The following MYH14 variants were observed in gnomAD, a reference collection of about 807,000 sequenced individuals.
The protein encoded by MYH14 is myosin-14.
In MYH14, 123 loss-of-function variants were observed where a neutral mutation model predicts 255.5. That is an observed-to-expected ratio of 0.48 (90% confidence interval 0.42 to 0.56). The LOEUF is 0.56. MYH14 is among the 20% of genes least tolerant of loss of function. MYH14 has a pLI of 0.00. For synonymous variants in MYH14, 1,095 were observed against 1,161.2 expected (o/e 0.94, Z 1.16); for missense variants, 2,423 against 2,802.3 (o/e 0.86, Z 3.06).
In MYH14 at chr19:50,250,690, T is replaced by C. The variant is rs1242683752; in HGVS notation, c.1830+2T>C. On this transcript the variant is annotated splice_donor_variant, in intron 15 of 42. Coordinates refer to ENST00000642316, the MANE Select transcript of MYH14 (RefSeq NM_001145809.2). LOFTEE classifies it high-confidence loss of function. This position sits in a 1 kb window ranked among gnomAD's most constrained non-coding sequence, Gnocchi z 5.4. ...AGTGTTCTCCACTACGCGGGCAAGG[T>C]AGGGGCTGGGGCCGGCCTTGGGGCA... The C allele has an allele frequency of 6.2e-7, 1 of 1,609,380 alleles. No individual in the cohort carries two copies. The highest frequency in any genetic ancestry group is 8.5e-7 in the Non-Finnish European group (1 of 1,176,402).
At chr19:50,304,801 T>C (rs988332965) in intron 40 of MYH14, among the ~76,000 whole-genome samples, 6 of 152,144 alleles carry the variant, frequency 3.9e-5, no homozygotes, top group African/African-American at 1.4e-4. Context: ...GAAGCTGGAA[T>C]ACCCTGAGAT....
intron 36 of MYH14, 112 bp from the exon 37 acceptor site, chr19:50,292,149 T>A: frequency 1.7e-6 from 2 of 1,159,712 alleles, no homozygotes; most frequent in Non-Finnish European, 2.3e-6. Context: ...TTCGGAGAGT[T>A]CCCTGCTTGT....
intron 36 of MYH14, among the ~76,000 whole-genome samples, chr19:50,291,536 C>T (rs1413074548): frequency 6.6e-6 from 1 of 152,116 alleles, no homozygotes; most frequent in African/African-American, 2.4e-5. Context: ...GTGATCCACC[C>T]GCCCCCATGG....
Position 50,226,864 on chromosome 19 carries a change from G to A in MYH14, c.811-39G>A, listed in dbSNP as rs374931039. 54 of 1,605,760 alleles carry A rather than the reference G, an allele frequency of 3.4e-5. No homozygotes were observed. In the African/African-American group the frequency reaches 7.0e-4, roughly 21 times the overall value. ...TTGTTCACGTGTGAGTGGGGAAGGG[G>A]ACCCTCTGCTGAAGCCCACCCACTT... is the stretch of plus-strand genomic sequence containing the variant. On this transcript the variant is annotated intron_variant, in intron 7 of 42. Coordinates refer to ENST00000642316, the MANE Select transcript of MYH14 (RefSeq NM_001145809.2).
chr19:50,224,060 T>TCC, intron 5 of MYH14, 94 bp from the exon 6 acceptor site: 2 of 390,840 alleles, frequency 5.1e-6, no homozygotes, highest in South Asian at 3.2e-5. Context: ...CCACCCCCCA[T>TCC]GCCACCACCT....
chr19:50,210,453 A>C lies in MYH14; in HGVS notation c.88A>C (p.Thr30Pro). The change falls in exon 2 of 43, where the codon ACG becomes CCG. Residue 30 changes from threonine (T) to proline (P), a missense_variant. Physicochemically the swap from Thr to Pro is conservative, Grantham distance 38. Transcript: ENST00000642316. ...VPEAAQPFLF[T>P]PRGPSAGGGP... ...CGAGGCGGCCCAGCCGTTCCTGTTC[A>C]CGCCCCGCGGGCCCAGCGCGGGTGG... 6.5e-7 allele frequency: 1 copy of C among 1,549,224 alleles called. No individual in the cohort carries two copies. Among genetic ancestry groups the C allele is most frequent in the South Asian group, 1.2e-5 (1 of 84,310 alleles).
Position 50,266,151 on chromosome 19 carries a change from G to A in MYH14, c.2695-726G>A, listed in dbSNP as rs975290560. Among the ~76,000 whole-genome samples, 1 of 152,228 alleles carries A rather than the reference G, an allele frequency of 6.6e-6. No individual in the cohort carries two copies. Among genetic ancestry groups the A allele is most frequent in the African/African-American group, 2.4e-5 (1 of 41,460 alleles). On this transcript the variant is annotated intron_variant, in intron 22 of 42. Coordinates refer to ENST00000642316, the MANE Select transcript of MYH14 (RefSeq NM_001145809.2). This position sits in a 1 kb window ranked among gnomAD's most constrained non-coding sequence, Gnocchi z 4.1. ...AGAGCAGATCTCACTTAGCAAGGGC[G>A]ACGAGGTTTTGTGAAATTTTTGTTT...
At chr19:50,206,896 G>A (rs1394897773) in intron 1 of MYH14, among the ~76,000 whole-genome samples, 1 of 151,828 alleles carries the variant, frequency 6.6e-6, no homozygotes, top group Admixed American at 6.6e-5. Flanking sequence ...TGGTGGGGCA[G>A]TGATGGGGAC....
chr19:50,296,281 G>A (rs182704692), intron 39 of MYH14, among the ~76,000 whole-genome samples: 2 of 151,926 alleles, frequency 1.3e-5, no homozygotes, highest in African/African-American at 2.4e-5. Context: ...CTATATCCAC[G>A]TTGTGATCTG....
At chr19:50,210,055 G>A (rs1324460906) in intron 1 of MYH14, among the ~76,000 whole-genome samples, 8 of 113,408 alleles carry the variant, frequency 7.1e-5, no homozygotes, top group Non-Finnish European at 9.9e-5. Context: ...CTGAGATCAC[G>A]CCATTGCACT....
chr19:50,272,667 C>G lies in MYH14; in HGVS notation c.3403C>G (p.Arg1135Gly). The change falls in exon 27 of 43, where the codon CGG (arginine) becomes GGG (glycine). Residue 1135 changes from arginine to glycine, a missense_variant. This residue lies in a region of MYH14 where 1,513 missense variants were observed against 1,674.8 expected (regional missense o/e 0.90). Transcript: ENST00000642316. ...LQEQMVEQQQ[R>G]AEELRAQLGR... is the part of the protein sequence containing the mutation. ...GGAGCAGATGGTGGAGCAGCAACAG[C>G]GGGCAGAGGAGCTGCGGGCCCAGCT... is the stretch of plus-strand genomic sequence containing the variant. 6.4e-7 allele frequency: 1 copy of G among 1,557,640 alleles called. No homozygotes were observed. Among genetic ancestry groups the G allele is most frequent in the Non-Finnish European group, 8.7e-7 (1 of 1,151,412 alleles).
chr19:50,238,158 G>GC (rs778368423), intron 10 of MYH14, among the ~76,000 whole-genome samples: 31 of 152,188 alleles, frequency 2.0e-4, no homozygotes, highest in Non-Finnish European at 4.3e-4. Context: ...ACACAGGGAG[G>GC]CATGCCAGCC....
Position 50,231,946 on chromosome 19 carries a change from G to A in MYH14, c.990G>A (p.Glu330=), listed in dbSNP as rs1299547783. 2 of 1,613,942 alleles carry A rather than the reference G, an allele frequency of 1.2e-6. No individual in the cohort carries two copies. Among genetic ancestry groups the A allele is most frequent in the South Asian group, 2.2e-5 (2 of 91,080 alleles). ...GEQLKADLLL[E]PCSHYRFLTN... is the part of the protein sequence containing the mutation. ...TCCCTGCAGCCGACCTCCTCCTCGAGCCCTGCTCCCACTACCGGTTCCTGA... is the reference window on the plus strand; with the variant it reads ...TCCCTGCAGCCGACCTCCTCCTCGAACCCTGCTCCCACTACCGGTTCCTGA... Residue 330 remains glutamate (E), a synonymous_variant, in exon 10 of 43, where the codon GAG becomes GAA. Transcript: ENST00000642316.
intron 27 of MYH14, among the ~76,000 whole-genome samples, chr19:50,275,337 G>A (rs773096957): frequency 2.6e-5 from 4 of 152,190 alleles, no homozygotes; most frequent in South Asian, 2.1e-4. Flanking sequence ...GAGGGACTCC[G>A]GGCCAACCCA....
intron 27 of MYH14, among the ~76,000 whole-genome samples, chr19:50,273,018 C>T (rs1021031936): frequency 6.6e-6 from 1 of 152,178 alleles, no homozygotes. Flanking sequence ...AGGCCAAGTA[C>T]GATGGCTCAC....
At chr19:50,267,894 G>A (rs145109853) in intron 23 of MYH14, among the ~76,000 whole-genome samples, 72 of 152,136 alleles carry the variant, frequency 4.7e-4, no homozygotes, top group Admixed American at 1.4e-3. Context: ...CAGAGAGGAG[G>A]GGCCAGAGAG....
intron 18 of MYH14, among the ~76,000 whole-genome samples, chr19:50,257,797 A>G (rs919723699): frequency 4.6e-5 from 7 of 152,198 alleles, no homozygotes; most frequent in African/African-American, 1.7e-4. Flanking sequence ...TAACCATCCA[A>G]AATGAACGTC....
rs372896857 is a variant in MYH14, at chr19:50,290,902, G to A, written c.4981G>A (p.Val1661Met). 6.4e-7 allele frequency: 1 copy of A among 1,564,130 alleles called. No homozygotes were observed. The highest frequency in any genetic ancestry group is 8.7e-7 in the Non-Finnish European group (1 of 1,155,008). Residue 1661 changes from valine to methionine, a missense_variant, in exon 36 of 43, where the codon GTG becomes ATG. Physicochemically the swap from Val to Met is conservative, Grantham distance 21. This residue lies in a region of MYH14 where 1,513 missense variants were observed against 1,674.8 expected (regional missense o/e 0.90). Transcript: ENST00000642316. Reference protein sequence around the residue: ...QLAKQLRDAEVERDEERKQRT... With the variant: ...QLAKQLRDAEMERDEERKQRT... ...TCCTCTCCAGCTGAGAGATGCAGAG[G>A]TGGAGCGGGATGAGGAGCGGAAGCA...
chr19:50,248,133 A>T (rs2034208116), intron 12 of MYH14, among the ~76,000 whole-genome samples: 1 of 151,864 alleles, frequency 6.6e-6, no homozygotes, highest in Admixed American at 6.6e-5. Flanking sequence ...AGAGCAAGGG[A>T]GAGAGGGTGG....
Sources: gnomAD v4.1 joint callset for allele counts (sites outside exome capture counted in the v4.1 genomes callset) on GRCh38, gnomAD v4.1.1 for gene constraint, gnomAD v4.1.1 regional missense constraint, Gnocchi (gnomAD v3.1) non-coding constraint, MANE v1.5 for transcripts, NCBI Gene and HGNC (gene_info 2026-07-23, HGNC 2026-07-21) for gene names.